Variants in MYH3 observed in about 807,000 individuals in gnomAD.
MYH3 encodes myosin heavy chain 3.
MYH3 carries 130 observed loss-of-function variants against 238.0 expected under a neutral mutation model. The ratio of observed to expected loss-of-function variants is 0.55; its 90% CI spans 0.47 to 0.63. The LOEUF is 0.63. Among genes scored for constraint, MYH3 ranks in the 30% least tolerant of loss-of-function variants. The probability of loss-of-function intolerance (pLI) is 0.00; values close to 1 mark genes in which losing one functional copy is unlikely to be tolerated. For synonymous variants in MYH3, 880 were observed against 924.1 expected (o/e 0.95, Z 0.86); for missense variants, 1,853 against 2,374.9 (o/e 0.78, Z 4.57).
the MYH3 span, chr17:10,672,721 AG>A: frequency 6.6e-6 from 1 of 152,256 alleles, no homozygotes; most frequent in East Asian, 1.9e-4. Flanking sequence ...CTTCTCACCA[AG>A]GAACAAACTA....
At chr17:10,638,599 T>C (rs558050098) in intron 26 of MYH3, among the ~76,000 whole-genome samples, 167 bp from the exon 27 acceptor site, 2 of 152,202 alleles carry the variant, frequency 1.3e-5, no homozygotes, top group Non-Finnish European at 2.9e-5. Flanking sequence ...CCCAACATGG[T>C]AATTACTCCT....
Position 10,642,140 on chromosome 17 carries a change from A to T in MYH3, c.1959+100T>A. ...CAGTGACAGTAATCAGATTAAGACA[A>T]CACTACTACTCTCAAATAAATCAAG... On this transcript the variant is annotated intron_variant, in intron 17 of 40. Transcript: ENST00000583535. The surrounding 1 kb of genome is among the most constrained non-coding windows in gnomAD (Gnocchi z 5.4). 3 of 1,107,954 alleles carry T rather than the reference A, an allele frequency of 2.7e-6. No individual in the cohort carries two copies. In the South Asian group the frequency reaches 4.0e-5, roughly 15 times the overall value. 68.6% of individuals were successfully genotyped at this position (1,107,954 alleles called of 1,614,324 possible).
upstream of MYH3, among the ~76,000 whole-genome samples, chr17:10,661,642 C>T (rs1027939871): frequency 1.3e-5 from 2 of 152,206 alleles, no homozygotes; most frequent in African/African-American, 4.8e-5. Flanking sequence ...TCACGATGCT[C>T]GGTCACTTCC....
In MYH3 at chr17:10,646,565, G is replaced by A. The variant is rs141191564; in HGVS notation, c.899-533C>T. Among the ~76,000 whole-genome samples the A allele has an allele frequency of 3.9e-3, 590 of 152,260 alleles. 6 individuals carry two copies. Among genetic ancestry groups the A allele is most frequent in the African/African-American group, 0.013 (555 of 41,546 alleles). On this transcript the variant is annotated intron_variant, in intron 10 of 40. Transcript: ENST00000583535. ...TGATTATTCTGTTTGCTTTGGCGTC[G>A]CATTTGGCCATAGGTTGTTTCTGTG...
intron 1 of MYH3, among the ~76,000 whole-genome samples, chr17:10,656,485 C>T (rs1597495857): frequency 6.7e-6 from 1 of 148,632 alleles, no homozygotes; most frequent in Non-Finnish European, 1.5e-5. Flanking sequence ...TGCAGTGAGC[C>T]GAGATTGTGC....
chr17:10,629,874 C>A lies in MYH3; in HGVS notation c.5626G>T (p.Val1876Phe). The A allele has an allele frequency of 6.2e-7, 1 of 1,614,190 alleles. No homozygotes were observed. The highest frequency in any genetic ancestry group is 8.5e-7 in the Non-Finnish European group (1 of 1,180,046). Residue 1876 changes from valine (V) to phenylalanine (F), a missense_variant, in exon 39 of 41, where the codon GTC becomes TTC. Val to Phe is a conservative substitution (Grantham distance 50). Transcript: ENST00000583535. ...TCCGCCTGCCTCTTGTAGGACTTGA[C>A]TTTCACTTGCAGTTTATCCACCAGA... ...QDLVDKLQVKVKSYKRQAEEA... is the reference protein window; with the variant it reads ...QDLVDKLQVKFKSYKRQAEEA...
chr17:10,630,287 C>A lies in MYH3; in HGVS notation c.5457+1G>T. The A allele has an allele frequency of 6.2e-7, 1 of 1,614,106 alleles. No individual in the cohort carries two copies. The highest frequency in any genetic ancestry group is 8.5e-7 in the Non-Finnish European group (1 of 1,180,022). On this transcript the variant is annotated splice_donor_variant, in intron 37 of 40. Coordinates refer to ENST00000583535, the MANE Select transcript of MYH3 (RefSeq NM_002470.4). LOFTEE classifies it high-confidence loss of function. The stretch of plus-strand genomic sequence containing the variant: ...GCAGGCGGGGTTCCTCCTGCACACA[C>A]CCTGGTCTCCAGTTTCTGGATCTGC...
chr17:10,655,626 A>G (rs1344441930), intron 2 of MYH3, among the ~76,000 whole-genome samples: 1 of 151,724 alleles, frequency 6.6e-6, no homozygotes, highest in Non-Finnish European at 1.5e-5. Context: ...CAGTCCCCCA[A>G]ATGCCACCTC....
the MYH3 span, among the ~76,000 whole-genome samples, chr17:10,666,010 A>T: frequency 6.6e-6 from 1 of 152,178 alleles, no homozygotes; most frequent in South Asian, 2.1e-4. Flanking sequence ...CCAAAGATGG[A>T]CTCTTTAATA....
intron 33 of MYH3, among the ~76,000 whole-genome samples, 156 bp downstream of exon 33, chr17:10,633,435 C>T (rs993430316): frequency 3.3e-5 from 5 of 152,178 alleles, no homozygotes; most frequent in Admixed American, 6.5e-5. Context: ...AGGTATTATT[C>T]AGCCTCACAG....
At position 10,642,367 on chromosome 17, in the gene MYH3, CT is replaced by C. The variant is rs754093614; in HGVS notation, c.1888+49del. ...GGTGAATCTAAAAGGTTTTTTGTTA[CT>C]GTGGAACAAATGGAGGGAAATCACA... is the stretch of plus-strand genomic sequence containing the variant. On this transcript the variant is annotated intron_variant, in intron 16 of 40. Transcript: ENST00000583535. The surrounding 1 kb of genome is among the most constrained non-coding windows in gnomAD (Gnocchi z 5.4). The C allele has an allele frequency of 6.8e-6, 11 of 1,613,880 alleles. No homozygotes were observed. The African/African-American group carries it at 1.2e-4, about 18-fold the overall frequency.
chr17:10,665,916 C>A, the MYH3 span, among the ~76,000 whole-genome samples: 1 of 152,060 alleles, frequency 6.6e-6, no homozygotes. Flanking sequence ...ACAGACTGAC[C>A]AGCGGAACAG....
In MYH3 at chr17:10,638,448, G is replaced by A. The variant is rs374166595; in HGVS notation, c.3340-16C>T. The A allele has an allele frequency of 1.9e-4, 301 of 1,599,550 alleles. 1 individual carries two copies. The South Asian group carries it at 2.2e-3, about 11-fold the overall frequency. On this transcript the variant is annotated splice_polypyrimidine_tract_variant and intron_variant, in intron 26 of 40. Coordinates refer to ENST00000583535, the MANE Select transcript of MYH3 (RefSeq NM_002470.4). ...CAATTCGAGCCTGTGGAGGGCAGCCGTTCACCCCGTGGGCAGTGGGTTCAC... is the reference window on the plus strand; with the variant it reads ...CAATTCGAGCCTGTGGAGGGCAGCCATTCACCCCGTGGGCAGTGGGTTCAC...
At chr17:10,650,737 G>A (rs903179426) in intron 5 of MYH3, among the ~76,000 whole-genome samples, 1 of 152,134 alleles carries the variant, frequency 6.6e-6, no homozygotes, top group Non-Finnish European at 1.5e-5. Context: ...CTATTTTAGG[G>A]ATTTTGAAAT....
intron 27 of MYH3, 48 bp downstream of exon 27, chr17:10,637,995 G>A (rs1367286851): frequency 9.3e-6 from 15 of 1,613,930 alleles, no homozygotes; most frequent in South Asian, 2.2e-5. Context: ...AATGACCACG[G>A]AGTGTGTCTG....
At chr17:10,643,307 G>GC (rs2074290397) in intron 14 of MYH3, among the ~76,000 whole-genome samples, 1 of 151,222 alleles carries the variant, frequency 6.6e-6, no homozygotes, top group Non-Finnish European at 1.5e-5. Context: ...AAGCTCATCT[G>GC]TTTTTTTCAC....
chr17:10,636,487 C>T (rs73976875), intron 28 of MYH3, among the ~76,000 whole-genome samples: 3,009 of 152,180 alleles, frequency 0.02, 95 homozygotes, highest in African/African-American at 0.068. Flanking sequence ...TAGGGAAATA[C>T]TTAGAGCTTT....
At position 10,632,654 on chromosome 17, in the gene MYH3, C is replaced by G. The variant is rs781003211; in HGVS notation, c.4778G>C (p.Arg1593Thr). The change falls in exon 34 of 41, where the codon AGA becomes ACA. Residue 1593 changes from arginine (R) to threonine (T), a missense_variant. This residue lies in a region of MYH3 where 1,044 missense variants were observed against 1,192.6 expected (regional missense o/e 0.88). Transcript: ENST00000583535. ...GGCGCTCTGCATGGTTTCCACTGTT[C>G]TCTGGTAGTTCCTCTTCAGCTGCTC... ...EIEQLKRNYQ[R>T]TVETMQSALD... is the part of the protein sequence containing the mutation. 10 of 1,614,222 alleles carry G rather than the reference C, an allele frequency of 6.2e-6. No individual in the cohort carries two copies. In the South Asian group the frequency reaches 1.1e-4, roughly 18 times the overall value.
intron 17 of MYH3, among the ~76,000 whole-genome samples, chr17:10,641,810 G>A (rs1041577003): frequency 6.6e-5 from 10 of 152,150 alleles, no homozygotes; most frequent in South Asian, 2.1e-4. Context: ...CACTGTGCCC[G>A]GCCTAACTCA....
Sources: gnomAD v4.1 joint callset for allele counts (sites outside exome capture counted in the v4.1 genomes callset) on GRCh38, gnomAD v4.1.1 for gene constraint, gnomAD v4.1.1 regional missense constraint, Gnocchi (gnomAD v3.1) non-coding constraint, MANE v1.5 for transcripts, NCBI Gene and HGNC (gene_info 2026-07-23, HGNC 2026-07-21) for gene names.